FER: variants seen among roughly 807,000 people sequenced by gnomAD.
The protein encoded by FER is tyrosine-protein kinase Fer.
A neutral mutation model predicts 111.0 loss-of-function variants in FER; 63 were observed. The observed-to-expected ratio is 0.57, with a 90% CI of 0.46 to 0.70. FER has a LOEUF of 0.70. Ranked by LOEUF, FER falls within the 30% of genes least tolerant of loss-of-function variation. The pLI is 0.00. For synonymous variants in FER, 327 were observed against 313.9 expected (o/e 1.04, Z -0.44); for missense variants, 914 against 954.0 (o/e 0.96, Z 0.55).
chr5:109,129,864 A>G (rs1174553828), intron 17 of FER, among the ~76,000 whole-genome samples: 1 of 152,070 alleles, frequency 6.6e-6, no homozygotes, highest in Non-Finnish European at 1.5e-5. Flanking sequence ...GTTGCCCATC[A>G]TATTGTTGTT....
intron 11 of FER, among the ~76,000 whole-genome samples, chr5:108,948,078 T>C (rs1015121804): frequency 3.9e-5 from 6 of 152,022 alleles, no homozygotes; most frequent in Non-Finnish European, 7.4e-5. Flanking sequence ...CAAATAAACA[T>C]ACAAAAATTA....
rs1749991079 is a variant in FER at position 108,747,955 on chromosome 5, G to C, written c.-251G>C. 1 of 152,342 alleles carries C rather than the reference G, an allele frequency of 6.6e-6. No individual in the cohort carries two copies. 9.4% of individuals were successfully genotyped at this position (152,342 alleles called of 1,614,324 possible). The stretch of plus-strand genomic sequence containing the variant: ...CGCTTCAGAAACGGCCATCACTGAA[G>C]AGCAGACCCGTTTGGGTTCTCCACG... On this transcript the variant is annotated 5_prime_UTR_variant, in exon 1 of 20. Coordinates refer to ENST00000281092, the MANE Select transcript of FER (RefSeq NM_005246.4).
intron 17 of FER, among the ~76,000 whole-genome samples, chr5:109,177,036 T>C (rs1246017695): frequency 6.6e-6 from 1 of 152,206 alleles, no homozygotes; most frequent in African/African-American, 2.4e-5. Context: ...CAAAGTCTGA[T>C]GGGAAACGTT....
chr5:108,854,946 C>CAAAAAAAAAA (rs34850507), intron 5 of FER, among the ~76,000 whole-genome samples: 1 of 36,644 alleles, frequency 2.7e-5, no homozygotes. Flanking sequence ...GACCCTGTCT[C>CAAAAAAAAAA]AAAAAAAAAA....
At chr5:108,833,111 G>C (rs1416335635) in intron 4 of FER, among the ~76,000 whole-genome samples, 168 bp downstream of exon 4, 1 of 151,950 alleles carries the variant, frequency 6.6e-6, no homozygotes, top group Non-Finnish European at 1.5e-5. Flanking sequence ...TTGATTATAG[G>C]ATATACTGTG....
intron 3 of FER, among the ~76,000 whole-genome samples, chr5:108,827,445 C>A (rs1304384988): frequency 6.6e-6 from 1 of 152,048 alleles, no homozygotes; most frequent in Non-Finnish European, 1.5e-5. Flanking sequence ...AAAATAGTAC[C>A]CATTTCTTCC....
In FER at chr5:108,783,394, C is replaced by A. The variant is rs1054576991; in HGVS notation, c.-59-14730C>A. Among the ~76,000 whole-genome samples the A allele has an allele frequency of 2.0e-5, 3 of 152,068 alleles. No homozygotes were observed. The South Asian group carries it at 6.2e-4, about 32-fold the overall frequency. ...ACAATTGATTGTTGAAGCATTTTTA[C>A]GATGGTTGTTTTAAAATTCTTGTCA... On this transcript the variant is annotated intron_variant, in intron 2 of 19. Coordinates refer to ENST00000281092, the MANE Select transcript of FER (RefSeq NM_005246.4).
At chr5:109,053,603 T>C (rs570096439) in intron 16 of FER, among the ~76,000 whole-genome samples, 1 of 152,178 alleles carries the variant, frequency 6.6e-6, no homozygotes, top group South Asian at 2.1e-4. Context: ...TAAGCACTTT[T>C]TTTTCCACTA....
intron 10 of FER, among the ~76,000 whole-genome samples, chr5:108,906,449 A>G (rs10072148): frequency 0.064 from 9,684 of 152,198 alleles, 336 homozygotes; most frequent in African/African-American, 0.085. Context: ...TAGATTGGAA[A>G]ACATTTTTTA....
intron 16 of FER, chr5:109,051,249 T>C (rs1295682283): frequency 7.4e-6 from 8 of 1,087,548 alleles, no homozygotes; most frequent in Admixed American, 1.8e-5. Flanking sequence ...CCTGGTGCAC[T>C]TTCTACAGCA....
At chr5:108,808,463 C>T (rs756156603) in intron 3 of FER, among the ~76,000 whole-genome samples, 1 of 149,916 alleles carries the variant, frequency 6.7e-6, no homozygotes, top group East Asian at 1.9e-4. Context: ...TTTCTCTAAC[C>T]CTTTACTCTG....
chr5:108,982,000 C>T (rs1309944147), intron 13 of FER, among the ~76,000 whole-genome samples: 2 of 152,110 alleles, frequency 1.3e-5, no homozygotes, highest in African/African-American at 4.8e-5. Flanking sequence ...TACTTTCCCA[C>T]TTTTACTTAT....
At chr5:109,133,810 A>G (rs1043915745) in intron 17 of FER, among the ~76,000 whole-genome samples, 1 of 152,176 alleles carries the variant, frequency 6.6e-6, no homozygotes, top group South Asian at 2.1e-4. Context: ...TTTAAAGCCT[A>G]TAAACAAAAT....
intron 5 of FER, among the ~76,000 whole-genome samples, chr5:108,864,367 T>C (rs1763822194): frequency 6.6e-6 from 1 of 152,152 alleles, no homozygotes; most frequent in Non-Finnish European, 1.5e-5. Flanking sequence ...TCTCATTCTG[T>C]TGTTCTTCCT....
intron 17 of FER, among the ~76,000 whole-genome samples, chr5:109,153,684 C>A (rs560978621): frequency 4.6e-5 from 7 of 151,906 alleles, no homozygotes; most frequent in African/African-American, 1.4e-4. Flanking sequence ...CTAATTTAAT[C>A]CTCACTATGA....
rs572191255 is a variant in FER at position 109,181,942 on chromosome 5, T to C, written c.2203+1041T>C. 3.3e-5 allele frequency among the ~76,000 whole-genome samples: 5 copies of C among 152,314 alleles called. No individual in the cohort carries two copies. The South Asian group carries it at 1.0e-3, about 32-fold the overall frequency. ...CGTTGTCCCCTAGTAGCCACCAATC[T>C]GCCTTTTATTTCTGTGGATTTACCT... is the stretch of plus-strand genomic sequence containing the variant. On this transcript the variant is annotated intron_variant, in intron 18 of 19. Transcript: ENST00000281092.
chr5:108,945,294 A>G (rs77946183), intron 10 of FER, among the ~76,000 whole-genome samples: 7,100 of 152,142 alleles, frequency 0.047, 268 homozygotes, highest in South Asian at 0.11. Flanking sequence ...CAATACTTCC[A>G]TTACAAAACC....
intron 5 of FER, among the ~76,000 whole-genome samples, chr5:108,866,975 G>A (rs1373690121): frequency 6.6e-6 from 1 of 152,112 alleles, no homozygotes; most frequent in African/African-American, 2.4e-5. Flanking sequence ...TCCACATGAA[G>A]TCTAAATTTC....
At chr5:109,089,654 C>G (rs752148672) in intron 16 of FER, among the ~76,000 whole-genome samples, 1 of 152,208 alleles carries the variant, frequency 6.6e-6, no homozygotes, top group South Asian at 2.1e-4. Flanking sequence ...AAGTACAAAG[C>G]CAAGAATAGC....
Sources: gnomAD v4.1 joint callset for allele counts (sites outside exome capture counted in the v4.1 genomes callset) on GRCh38, gnomAD v4.1.1 for gene constraint, MANE v1.5 for transcripts, NCBI Gene and HGNC (gene_info 2026-07-23, HGNC 2026-07-21) for gene names.